SLC10A7: variants seen among roughly 807,000 people sequenced by gnomAD.
SLC10A7 encodes sodium/bile acid cotransporter 7.
A neutral mutation model predicts 43.2 loss-of-function variants in SLC10A7; 29 were observed. The ratio of observed to expected loss-of-function variants is 0.67; its 90% CI spans 0.50 to 0.92. The LOEUF (loss-of-function observed/expected upper bound fraction) is 0.92. Among genes scored for constraint, SLC10A7 ranks in the 40% least tolerant of loss-of-function variants. SLC10A7 has a pLI of 0.00. For missense variants in SLC10A7, 295 were observed against 403.2 expected (o/e 0.73, Z 2.30); for synonymous variants, 152 against 144.8 (o/e 1.05, Z -0.35).
intron 7 of SLC10A7, among the ~76,000 whole-genome samples, chr4:146,296,450 C>T (rs1730790060): frequency 6.6e-6 from 1 of 152,072 alleles, no homozygotes. Context: ...GAATAGGACT[C>T]CCTCAGTATG....
chr4:146,305,805 A>T, intron 7 of SLC10A7, 121 bp downstream of exon 7: 2 of 820,862 alleles, frequency 2.4e-6, no homozygotes, highest in Non-Finnish European at 3.8e-6. Context: ...TTTTGTTTTT[A>T]GTCTCATATT....
At chr4:146,300,788 C>T (rs1251922048) in intron 7 of SLC10A7, among the ~76,000 whole-genome samples, 1 of 151,342 alleles carries the variant, frequency 6.6e-6, no homozygotes, top group African/African-American at 2.4e-5. Context: ...ACTTTTTTTT[C>T]AGATATGTTT....
At chr4:146,521,138 CACTCTCCA>C (rs1738594860) in intron 1 of SLC10A7, among the ~76,000 whole-genome samples, 1 of 152,074 alleles carries the variant, frequency 6.6e-6, no homozygotes, top group South Asian at 2.1e-4. Context: ...AGCAAATCAT[CACTCTCCA>C]ACATGTGGGC....
intron 1 of SLC10A7, among the ~76,000 whole-genome samples, chr4:146,520,839 G>C (rs545531848): frequency 6.6e-6 from 1 of 152,210 alleles, no homozygotes; most frequent in South Asian, 2.1e-4. Context: ...AAGGTGTTGG[G>C]GGGGGCATAA....
intron 5 of SLC10A7, among the ~76,000 whole-genome samples, chr4:146,341,144 A>C (rs1411698898): frequency 1.3e-5 from 2 of 151,924 alleles, no homozygotes; most frequent in African/African-American, 4.8e-5. Context: ...GAATATATGT[A>C]ATGAGTAATT....
intron 7 of SLC10A7, among the ~76,000 whole-genome samples, chr4:146,295,450 A>C (rs1404501243): frequency 1.3e-5 from 2 of 152,192 alleles, no homozygotes; most frequent in Non-Finnish European, 2.9e-5. Flanking sequence ...GGGGGAGTGT[A>C]GAAGTGATCC....
At chr4:146,462,049 CT>C (rs1282427749) in intron 4 of SLC10A7, among the ~76,000 whole-genome samples, 2 of 151,696 alleles carry the variant, frequency 1.3e-5, no homozygotes, top group African/African-American at 4.8e-5. Flanking sequence ...ATAAAATAAG[CT>C]TATTTTCATA....
intron 3 of SLC10A7, among the ~76,000 whole-genome samples, chr4:146,507,019 C>T (rs1323125758): frequency 6.6e-6 from 1 of 152,120 alleles, no homozygotes; most frequent in Admixed American, 6.5e-5. Context: ...CATGTGTATA[C>T]ACTGTGAAAT....
intron 5 of SLC10A7, among the ~76,000 whole-genome samples, chr4:146,384,654 A>C (rs769946834): frequency 1.7e-4 from 26 of 152,134 alleles, no homozygotes; most frequent in Non-Finnish European, 3.8e-4. Context: ...CAGAATTACT[A>C]CAGACTTTTA....
At chr4:146,283,103 T>G in intron 10 of SLC10A7, 89 bp downstream of exon 10, 2 of 1,048,494 alleles carry the variant, frequency 1.9e-6, no homozygotes, top group Non-Finnish European at 2.9e-6. Flanking sequence ...CCCCATTCCA[T>G]TTAATTTGAA....
intron 5 of SLC10A7, among the ~76,000 whole-genome samples, chr4:146,341,150 T>C (rs1734236936): frequency 6.6e-6 from 1 of 151,860 alleles, no homozygotes; most frequent in Non-Finnish European, 1.5e-5. Flanking sequence ...ATGTAATGAG[T>C]AATTAGCATT....
chr4:146,324,022 A>C (rs1314913493), intron 6 of SLC10A7, among the ~76,000 whole-genome samples: 6 of 152,152 alleles, frequency 3.9e-5, no homozygotes. Context: ...ATTCTTATAC[A>C]CCAATAACAG....
intron 4 of SLC10A7, among the ~76,000 whole-genome samples, chr4:146,485,370 A>G (rs946380343): frequency 2.6e-5 from 4 of 152,152 alleles, no homozygotes; most frequent in South Asian, 2.1e-4. Context: ...CCTAGCAGAG[A>G]GTCCTAGAGG....
chr4:146,355,650 C>T (rs1470380330), intron 5 of SLC10A7, among the ~76,000 whole-genome samples: 1 of 151,850 alleles, frequency 6.6e-6, no homozygotes, highest in African/African-American at 2.4e-5. Flanking sequence ...AAATGTCTAA[C>T]AATGATAGAC....
intron 6 of SLC10A7, among the ~76,000 whole-genome samples, chr4:146,325,055 C>G (rs1733006728): frequency 6.6e-6 from 1 of 152,138 alleles, no homozygotes. Flanking sequence ...TTCTATTACT[C>G]TAATTGAATT....
At chr4:146,494,142 C>T (rs1021268773) in intron 4 of SLC10A7, among the ~76,000 whole-genome samples, 4 of 152,202 alleles carry the variant, frequency 2.6e-5, no homozygotes, top group Admixed American at 2.0e-4. Context: ...CATATCAATG[C>T]ATGAGATCCT....
chr4:146,424,547 C>A (rs1013061681), intron 5 of SLC10A7, among the ~76,000 whole-genome samples: 2 of 151,920 alleles, frequency 1.3e-5, no homozygotes, highest in Non-Finnish European at 2.9e-5. Flanking sequence ...GTAATCCCAG[C>A]TACTCAGGAG....
chr4:146,310,058 C>T (rs13121171), intron 6 of SLC10A7, among the ~76,000 whole-genome samples: 108,884 of 151,982 alleles, frequency 0.72, 39,364 homozygotes, highest in African/African-American at 0.8. Context: ...CACTTGTAAG[C>T]GAGAACATGT....
At chr4:146,345,943 C>G (rs780178670) in intron 5 of SLC10A7, among the ~76,000 whole-genome samples, 2 of 152,064 alleles carry the variant, frequency 1.3e-5, no homozygotes, top group Non-Finnish European at 2.9e-5. Flanking sequence ...TTATCATCCC[C>G]ATTTACAGAT....
Sources: gnomAD v4.1 joint callset for allele counts (sites outside exome capture counted in the v4.1 genomes callset) on GRCh38, gnomAD v4.1.1 for gene constraint, MANE v1.5 for transcripts, NCBI Gene and HGNC (gene_info 2026-07-23, HGNC 2026-07-21) for gene names.